The following ATP6V0A4 variants were observed in gnomAD, a reference collection of about 807,000 sequenced individuals.
ATP6V0A4 encodes the protein ATPase H+ transporting V0 subunit a4.
In ATP6V0A4, 86 loss-of-function variants were observed where a neutral mutation model predicts 107.3. The ratio of observed to expected loss-of-function variants is 0.80; its 90% confidence interval spans 0.67 to 0.96. The LOEUF (loss-of-function observed/expected upper bound fraction) is 0.96. Ranked by LOEUF, ATP6V0A4 falls within the 40% of genes least tolerant of loss-of-function variation. The pLI is 0.00. For synonymous variants in ATP6V0A4, 353 were observed against 381.4 expected, an observed-to-expected ratio of 0.93 and a Z score of 0.87; for missense variants, 908 against 1,045.6, an observed-to-expected ratio of 0.87 and a Z score of 1.81.
chr7:138,722,402 C>T (rs1041062315), intron 18 of ATP6V0A4, among the ~76,000 whole-genome samples: 4 of 151,824 alleles, frequency 2.6e-5, no homozygotes, highest in Non-Finnish European at 4.4e-5. Flanking sequence ...TGGTGACTCA[C>T]GCCTGTAATC....
At chr7:138,766,360 C>T (rs952683126) in intron 5 of ATP6V0A4, among the ~76,000 whole-genome samples, 3 of 151,918 alleles carry the variant, frequency 2.0e-5, no homozygotes, top group Non-Finnish European at 4.4e-5. Context: ...GCGCCACCCA[C>T]GCCTGGCTAA....
At chr7:138,729,039 T>G in intron 17 of ATP6V0A4, 177 bp from the exon 18 acceptor site, 1 of 829,998 alleles carries the variant, frequency 1.2e-6, no homozygotes, top group African/African-American at 1.8e-5. Flanking sequence ...GATAGAGAAA[T>G]ATCTGTCCAG....
chr7:138,752,876 C>T (rs1806306015), intron 10 of ATP6V0A4, 39 bp from the exon 11 acceptor site: 2 of 1,609,238 alleles, frequency 1.2e-6, no homozygotes, highest in East Asian at 4.5e-5. Flanking sequence ...AGAGAACCTT[C>T]ACAGAGCTGT....
Position 138,717,909 on chromosome 7 carries a change from G to A in ATP6V0A4, c.2140-2028C>T, listed in dbSNP as rs111230032. 7.7e-3 allele frequency among the ~76,000 whole-genome samples: 547 copies of A among 70,914 alleles called. 27 individuals carry two copies. Among genetic ancestry groups the A allele is most frequent in the Middle Eastern group, 0.018 (2 of 112 alleles). 46.5% of individuals were successfully genotyped at this position (70,914 alleles called of 152,430 possible). On this transcript the variant is annotated intron_variant, in intron 19 of 21. Transcript: ENST00000310018. Reference sequence around the variant, plus strand: ...GGCGACACAGTGAGACTCTGTCTCGGAAAAAAAAAAAAAAAAAAAAAGAGT... The same window carrying A: ...GGCGACACAGTGAGACTCTGTCTCGAAAAAAAAAAAAAAAAAAAAAAGAGT...
rs1394810280 is a variant in ATP6V0A4, at chr7:138,784,230, ATATACG to A, written c.-18+1922_-18+1927del. Among the ~76,000 whole-genome samples, 406 of 46,794 alleles carry A rather than the reference ATATACG, an allele frequency of 8.7e-3. 8 individuals carry two copies. Among genetic ancestry groups the A allele is most frequent in the African/African-American group, 0.052 (383 of 7,356 alleles). The allele number at this position is 46,794 out of a possible 152,430, so 30.7% of individuals were successfully genotyped here. A position where few individuals can be genotyped will look rare whatever the true frequency, so the allele number is the denominator to read the frequency against. The stretch of plus-strand genomic sequence containing the variant: ...CCTTAAACATTATATATATATATAT[ATATACG>A]TATATATATATATATACATATATAT... On this transcript the variant is annotated intron_variant, in intron 2 of 21. Transcript: ENST00000310018.
chr7:138,713,280 GA>G (rs10673617), intron 20 of ATP6V0A4, among the ~76,000 whole-genome samples: 61,379 of 120,388 alleles, frequency 0.51, 14,907 homozygotes, highest in East Asian at 0.78. Flanking sequence ...ACTCCAGCCT[GA>G]AAAAAAAAAA....
At position 138,740,428 on chromosome 7, in the gene ATP6V0A4, T is replaced by C. The variant is rs942918388; in HGVS notation, c.1479-795A>G. 1.4e-4 allele frequency among the ~76,000 whole-genome samples: 21 copies of C among 150,534 alleles called. No homozygotes were observed. In the South Asian group the frequency reaches 1.9e-3, roughly 14 times the overall value. On this transcript the variant is annotated intron_variant, in intron 14 of 21. Coordinates refer to ENST00000310018, the MANE Select transcript of ATP6V0A4 (RefSeq NM_020632.3). ...GATGTCAATGGGAAGAAATTTCTTT[T>C]TTTTTTTTTTTTTTGGAGACTGCGT...
chr7:138,722,482 T>C (rs12538561), intron 18 of ATP6V0A4, among the ~76,000 whole-genome samples: 43,023 of 151,418 alleles, frequency 0.28, 6,423 homozygotes, highest in South Asian at 0.43. Context: ...GTGGCCAACA[T>C]GGTGAAAACC....
Sources: allele counts gnomAD v4.1 joint callset (sites outside exome capture counted in the v4.1 genomes callset), GRCh38; gene constraint gnomAD v4.1.1; transcripts MANE v1.5; gene names NCBI Gene and HGNC (gene_info 2026-07-23, HGNC 2026-07-21).